RYR2: variants seen among roughly 807,000 people sequenced by gnomAD.
RYR2 encodes cardiac muscle ryanodine receptor-calcium release channel.
RYR2 carries 227 observed loss-of-function variants against 601.1 expected under a neutral mutation model. That is an observed-to-expected ratio of 0.38 (90% CI 0.34 to 0.42). The LOEUF is 0.42. Among genes scored for constraint, RYR2 ranks in the 10% least tolerant of loss-of-function variants. RYR2 has a pLI of 1.00. For missense variants in RYR2, 4,646 were observed against 6,156.5 expected, an observed-to-expected ratio of 0.75 and a Z score of 8.21; for synonymous variants, 2,223 against 2,175.1, an observed-to-expected ratio of 1.02 and a Z score of -0.61.
intron 1 of RYR2, among the ~76,000 whole-genome samples, chr1:237,055,396 G>A (rs1357572090): frequency 6.6e-6 from 1 of 152,136 alleles, no homozygotes; most frequent in Admixed American, 6.5e-5. Context: ...GATAAATTGG[G>A]ATGTAGAGAG....
intron 44 of RYR2, among the ~76,000 whole-genome samples, chr1:237,636,005 G>A (rs74147179): frequency 1.4e-5 from 2 of 148,128 alleles, no homozygotes; most frequent in Admixed American, 6.7e-5. Flanking sequence ...CATCCATGCT[G>A]TGTAAAACTG....
chr1:237,405,611 G>T (rs1386602282), intron 10 of RYR2, among the ~76,000 whole-genome samples: 1 of 151,802 alleles, frequency 6.6e-6, no homozygotes, highest in Non-Finnish European at 1.5e-5. Context: ...CCATAACTTG[G>T]TTATGTATAC....
chr1:237,577,332 G>T (rs12135525), intron 29 of RYR2, among the ~76,000 whole-genome samples: 45,352 of 151,966 alleles, frequency 0.3, 7,238 homozygotes, highest in East Asian at 0.61. Context: ...GTTGATTGAT[G>T]GCCTACTCTT....
At chr1:237,229,978 T>TAA (rs1558464056) in intron 1 of RYR2, among the ~76,000 whole-genome samples, 1 of 152,052 alleles carries the variant, frequency 6.6e-6, no homozygotes, top group Non-Finnish European at 1.5e-5. Context: ...AGCCCCCCCT[T>TAA]TTTTTATATA....
At chr1:237,449,994 A>G (rs930217219) in intron 14 of RYR2, among the ~76,000 whole-genome samples, 1 of 152,070 alleles carries the variant, frequency 6.6e-6, no homozygotes, top group African/African-American at 2.4e-5. Flanking sequence ...TGGGAAGAGC[A>G]GTGTTTACTC....
At chr1:237,790,895 C>G (rs924510361) in intron 92 of RYR2, among the ~76,000 whole-genome samples, 1 of 152,032 alleles carries the variant, frequency 6.6e-6, no homozygotes, top group African/African-American at 2.4e-5. Context: ...GCTCACCTGT[C>G]TGATCACATC....
At chr1:237,590,577 C>T (rs554413425) in intron 30 of RYR2, 63 bp from the exon 31 acceptor site, 2 of 1,371,810 alleles carry the variant, frequency 1.5e-6, no homozygotes, top group Admixed American at 2.3e-5. Flanking sequence ...CCTTAGTCAT[C>T]TTTAGAATCA....
intron 1 of RYR2, among the ~76,000 whole-genome samples, chr1:237,152,609 G>A (rs1340296368): frequency 6.6e-6 from 1 of 152,120 alleles, no homozygotes; most frequent in Non-Finnish European, 1.5e-5. Flanking sequence ...CATCAGTGAT[G>A]TTGAGCTTTT....
intron 11 of RYR2, among the ~76,000 whole-genome samples, chr1:237,417,932 G>T (rs942632048): frequency 2.0e-5 from 3 of 152,070 alleles, no homozygotes; most frequent in African/African-American, 7.2e-5. Context: ...ATTGATTTAG[G>T]ATGATAATTG....
At chr1:237,203,156 C>T (rs977869607) in intron 1 of RYR2, among the ~76,000 whole-genome samples, 3 of 152,096 alleles carry the variant, frequency 2.0e-5, no homozygotes, top group Non-Finnish European at 2.9e-5. Context: ...ACCACCACCA[C>T]ACACACCCCA....
chr1:237,270,166 A>G, intron 1 of RYR2: 1 of 405,604 alleles, frequency 2.5e-6, no homozygotes, highest in South Asian at 2.0e-5. Context: ...TTTGATGACT[A>G]AAATAGTGAC....
At chr1:237,454,248 C>A in intron 14 of RYR2, 143 bp from the exon 15 acceptor site, 1 of 780,964 alleles carries the variant, frequency 1.3e-6, no homozygotes, top group Non-Finnish European at 2.0e-6. Context: ...ATGATCACTG[C>A]TTTTGGAGCA....
intron 1 of RYR2, among the ~76,000 whole-genome samples, chr1:237,167,851 A>G (rs1250676047): frequency 1.3e-5 from 2 of 151,604 alleles, no homozygotes; most frequent in Non-Finnish European, 2.9e-5. Context: ...CCCGGCTTTC[A>G]GAGTAGCTGG....
chr1:237,739,106 T>C (rs1691392832), intron 79 of RYR2, among the ~76,000 whole-genome samples: 1 of 152,246 alleles, frequency 6.6e-6, no homozygotes, highest in Non-Finnish European at 1.5e-5. Flanking sequence ...ACAAAAGAGC[T>C]GATGAGTGGT....
At chr1:237,356,259 G>A (rs1699284910) in intron 4 of RYR2, among the ~76,000 whole-genome samples, 1 of 151,498 alleles carries the variant, frequency 6.6e-6, no homozygotes, top group Non-Finnish European at 1.5e-5. Flanking sequence ...TGTGCTTCTG[G>A]CCAACAGAAA....
intron 31 of RYR2, 115 bp from the exon 32 acceptor site, chr1:237,591,624 C>A: frequency 2.6e-6 from 2 of 783,022 alleles, no homozygotes; most frequent in African/African-American, 1.7e-5. Context: ...TCCCAGATGT[C>A]CCCCAGGGAG....
intron 4 of RYR2, among the ~76,000 whole-genome samples, chr1:237,363,687 T>C (rs1699970872): frequency 6.6e-6 from 1 of 152,142 alleles, no homozygotes; most frequent in Non-Finnish European, 1.5e-5. Context: ...AATGAAGTTA[T>C]TTGTAAATTT....
intron 60 of RYR2, among the ~76,000 whole-genome samples, chr1:237,676,428 A>G (rs1485376863): frequency 1.3e-5 from 2 of 152,126 alleles, no homozygotes; most frequent in Non-Finnish European, 2.9e-5. Context: ...TCCACAGGGT[A>G]GAGGGCCTTA....
At chr1:237,796,255 C>A (rs989703097) in intron 96 of RYR2, among the ~76,000 whole-genome samples, 4 of 151,942 alleles carry the variant, frequency 2.6e-5, no homozygotes, top group Non-Finnish European at 2.9e-5. Context: ...AAGGAAGAAG[C>A]TTCTAAATTA....
Sources: gnomAD v4.1 joint callset for allele counts (sites outside exome capture counted in the v4.1 genomes callset) on GRCh38, gnomAD v4.1.1 for gene constraint, MANE v1.5 for transcripts, NCBI Gene and HGNC (gene_info 2026-07-23, HGNC 2026-07-21) for gene names.